Variants in RPS6KC1 observed in about 807,000 individuals in gnomAD.
RPS6KC1 encodes the protein inactive ribosomal protein S6 kinase delta-1.
Under a neutral mutation model 103.8 loss-of-function variants are expected in RPS6KC1, and 54 were observed. The observed-to-expected ratio is 0.52, with a 90% CI of 0.42 to 0.65. The LOEUF is 0.65. Ranked by LOEUF, RPS6KC1 falls within the 30% of genes least tolerant of loss-of-function variation. The probability of loss-of-function intolerance (pLI) is 0.00; values close to 1 mark genes in which losing one functional copy is unlikely to be tolerated. For missense variants in RPS6KC1, 1,151 were observed against 1,253.8 expected (o/e 0.92, Z 1.24); for synonymous variants, 439 against 438.7 (o/e 1.00, Z -0.01).
At chr1:213,636,198 G>A in the RPS6KC1 span, among the ~76,000 whole-genome samples, 1 of 152,154 alleles carries the variant, frequency 6.6e-6, no homozygotes, top group Non-Finnish European at 1.5e-5. Context: ...ACTGCCCAAG[G>A]TAATTCATAG....
intron 1 of RPS6KC1, among the ~76,000 whole-genome samples, chr1:213,065,080 G>C (rs1572288759): frequency 7.0e-6 from 1 of 143,810 alleles, no homozygotes. Context: ...GGGTTCAAGT[G>C]ATTCTCCTGC....
intron 3 of RPS6KC1, among the ~76,000 whole-genome samples, chr1:213,093,023 A>T (rs1473723037): frequency 6.6e-6 from 1 of 152,114 alleles, no homozygotes; most frequent in Non-Finnish European, 1.5e-5. Context: ...CTGCTAATGG[A>T]TTATCTTAAA....
At chr1:213,729,388 A>G in the RPS6KC1 span, among the ~76,000 whole-genome samples, 1 of 152,080 alleles carries the variant, frequency 6.6e-6, no homozygotes, top group East Asian at 1.9e-4. Context: ...ACTTCCCTCC[A>G]TTTATGGCTG....
At chr1:213,078,046 C>T (rs1268477367) in intron 3 of RPS6KC1, among the ~76,000 whole-genome samples, 1 of 151,998 alleles carries the variant, frequency 6.6e-6, no homozygotes, top group Non-Finnish European at 1.5e-5. Context: ...TTCCAACCAA[C>T]CAAATAAAAA....
chr1:213,477,498 T>C, the RPS6KC1 span, among the ~76,000 whole-genome samples: 15 of 152,220 alleles, frequency 9.9e-5, no homozygotes, highest in Non-Finnish European at 2.2e-4. Context: ...TAAATGTTTA[T>C]GATCCTATCT....
At chr1:213,740,011 C>G in the RPS6KC1 span, among the ~76,000 whole-genome samples, 1 of 151,822 alleles carries the variant, frequency 6.6e-6, no homozygotes, top group African/African-American at 2.4e-5. Flanking sequence ...AATGAGAAAA[C>G]CAGAGGTAAG....
At chr1:213,427,026 T>C in the RPS6KC1 span, among the ~76,000 whole-genome samples, 1 of 152,208 alleles carries the variant, frequency 6.6e-6, no homozygotes. Flanking sequence ...TCAGAAGTCA[T>C]CTGGTCTTGC....
intron 1 of RPS6KC1, among the ~76,000 whole-genome samples, chr1:213,068,261 A>G (rs1260957438): frequency 6.6e-6 from 1 of 151,920 alleles, no homozygotes; most frequent in Non-Finnish European, 1.5e-5. Context: ...TGAGACGGGC[A>G]GATCACGAGG....
At chr1:213,114,806 A>G (rs2083406410) in intron 4 of RPS6KC1, among the ~76,000 whole-genome samples, 1 of 152,174 alleles carries the variant, frequency 6.6e-6, no homozygotes, top group African/African-American at 2.4e-5. Context: ...ATCTATTGAG[A>G]TAATCATGTG....
chr1:213,817,103 C>T, the RPS6KC1 span, among the ~76,000 whole-genome samples: 2,910 of 152,328 alleles, frequency 0.019, 89 homozygotes, highest in African/African-American at 0.063. Context: ...TGGCTGGAGG[C>T]TGCTCCCCCA....
At chr1:213,081,095 G>A (rs1170335136) in intron 3 of RPS6KC1, among the ~76,000 whole-genome samples, 1 of 152,208 alleles carries the variant, frequency 6.6e-6, no homozygotes, top group Non-Finnish European at 1.5e-5. Context: ...CAGCCTCCAA[G>A]ATAGCCTCCT....
the RPS6KC1 span, among the ~76,000 whole-genome samples, chr1:213,768,340 C>T: frequency 1.3e-5 from 2 of 151,918 alleles, no homozygotes; most frequent in South Asian, 4.2e-4. Flanking sequence ...AAATGGATTC[C>T]TTTTAGTTTC....
the RPS6KC1 span, among the ~76,000 whole-genome samples, chr1:213,727,087 C>A: frequency 6.6e-6 from 1 of 152,190 alleles, no homozygotes; most frequent in South Asian, 2.1e-4. Context: ...TCACTTCTAC[C>A]CACAGCACAT....
At chr1:213,445,894 C>A in the RPS6KC1 span, among the ~76,000 whole-genome samples, 2 of 152,176 alleles carry the variant, frequency 1.3e-5, no homozygotes, top group African/African-American at 2.4e-5. Context: ...GAGGTGTTAT[C>A]TCCATTCTAT....
At chr1:213,280,061 T>C in the RPS6KC1 span, among the ~76,000 whole-genome samples, 1 of 152,180 alleles carries the variant, frequency 6.6e-6, no homozygotes, top group Non-Finnish European at 1.5e-5. Flanking sequence ...ATGTTTTGAG[T>C]TTGAAGACAT....
the RPS6KC1 span, among the ~76,000 whole-genome samples, chr1:213,619,607 G>A: frequency 6.6e-6 from 1 of 152,204 alleles, no homozygotes; most frequent in Non-Finnish European, 1.5e-5. Context: ...GGATTAGGAA[G>A]GTCTCAGGAG....
chr1:213,271,763 C>CAAAA (rs58938920), intron 14 of RPS6KC1, among the ~76,000 whole-genome samples: 1 of 114,718 alleles, frequency 8.7e-6, no homozygotes, highest in African/African-American at 3.4e-5. Flanking sequence ...AACTCCGTCT[C>CAAAA]AAAAAAAAAA....
the RPS6KC1 span, among the ~76,000 whole-genome samples, chr1:213,625,477 G>A: frequency 1.3e-5 from 2 of 151,722 alleles, no homozygotes; most frequent in African/African-American, 4.8e-5. Flanking sequence ...TGTGCACAAC[G>A]TGCAGGTTTG....
chr1:213,304,599 A>G, the RPS6KC1 span, among the ~76,000 whole-genome samples: 4 of 150,972 alleles, frequency 2.6e-5, no homozygotes, highest in Middle Eastern at 3.2e-3. Flanking sequence ...CTGGAGTGCA[A>G]TGGTGCCATC....
Sources: gnomAD v4.1 joint callset for allele counts (sites outside exome capture counted in the v4.1 genomes callset) on GRCh38, gnomAD v4.1.1 for gene constraint, MANE v1.5 for transcripts, NCBI Gene and HGNC (gene_info 2026-07-23, HGNC 2026-07-21) for gene names.